The following SYN1 variants were observed in gnomAD, a reference collection of about 807,000 sequenced individuals.
SYN1 encodes the protein synapsin-1.
SYN1 carries 8 observed loss-of-function variants against 44.6 expected under a neutral mutation model. The ratio of observed to expected loss-of-function variants is 0.18; its 90% CI spans 0.11 to 0.32. The LOEUF (loss-of-function observed/expected upper bound fraction) is 0.32. Among genes scored for constraint, SYN1 ranks in the 10% least tolerant of loss-of-function variants. SYN1 has a pLI of 1.00. For synonymous variants in SYN1, 275 were observed against 280.1 expected (o/e 0.98, Z 0.18); for missense variants, 451 against 639.4 (o/e 0.71, Z 3.18).
chrX:47,574,253 G>A lies in SYN1; in HGVS notation c.1731C>T (p.Ala577=), dbSNP rs2147912133. ...GCTGCCCGCCCGGTGGGGCCCCAGA[G>A]GCCTTTGGCGGAGCCGGGCCAGAGA... ...TSVSGPAPPK[A]SGAPPGGQQR... The change falls in exon 12 of 13, where the codon GCC becomes GCT. Residue 577 remains alanine, a synonymous_variant. Coordinates refer to ENST00000295987, the MANE Select transcript of SYN1 (RefSeq NM_006950.3). The A allele has an allele frequency of 9.1e-7, 1 of 1,103,968 alleles. No homozygotes were observed. Among genetic ancestry groups the A allele is most frequent in the Non-Finnish European group, 1.2e-6 (1 of 848,736 alleles). 91.0% of individuals were successfully genotyped at this position (1,103,968 alleles called of 1,213,427 possible). A position where few individuals can be genotyped will look rare whatever the true frequency, so the allele number is the denominator to read the frequency against.
chrX:47,604,823 T>A lies in SYN1; in HGVS notation c.774+155A>T, dbSNP rs772067876. On this transcript the variant is annotated intron_variant, in intron 5 of 12. Coordinates refer to ENST00000295987, the MANE Select transcript of SYN1 (RefSeq NM_006950.3). Reference sequence around the variant, plus strand: ...GTTTTCCTTGTAAGCATAAGGAAATTCACGGTAGACCCTATCACAAAGCAA... The same window carrying A: ...GTTTTCCTTGTAAGCATAAGGAAATACACGGTAGACCCTATCACAAAGCAA... 2.5e-4 allele frequency: 131 copies of A among 517,833 alleles called. No individual in the cohort carries two copies. In the African/African-American group the frequency reaches 2.7e-3, roughly 11 times the overall value. 42.7% of individuals were successfully genotyped at this position (517,833 alleles called of 1,213,427 possible). A position where few individuals can be genotyped will look rare whatever the true frequency, so the allele number is the denominator to read the frequency against.
intron 5 of SYN1, among the ~76,000 whole-genome samples, chrX:47,591,165 G>A (rs12010140): frequency 0.044 from 4,898 of 112,416 alleles, 264 homozygotes; most frequent in African/African-American, 0.15. Context: ...GATTACAGGC[G>A]TGGGCCATCA....
Position 47,619,368 on chromosome X carries a change from C to T in SYN1, c.361G>A (p.Glu121Lys), listed in dbSNP as rs1183386473. 1 of 1,198,292 alleles carries T rather than the reference C, an allele frequency of 8.3e-7. No homozygotes were observed. Among genetic ancestry groups the T allele is most frequent in the African/African-American group, 1.7e-5 (1 of 57,775 alleles). The change falls in exon 1 of 13, where the codon GAG becomes AAG. Residue 121 changes from glutamate (E) to lysine (K), a missense_variant. Coordinates refer to ENST00000295987, the MANE Select transcript of SYN1 (RefSeq NM_006950.3). ...GTGGCTTACCAGTCGGTGTGCGGCTCGTCGATGACCAGCAGCACCCTGGAG... is the reference window on the plus strand; with the variant it reads ...GTGGCTTACCAGTCGGTGTGCGGCTTGTCGATGACCAGCAGCACCCTGGAG... ...AASRVLLVID[E>K]PHTDWAKYFK... is the part of the protein sequence containing the mutation.
At chrX:47,578,080 C>T (rs1387678206) in intron 5 of SYN1, among the ~76,000 whole-genome samples, 1 of 111,098 alleles carries the variant, frequency 9.0e-6, no homozygotes, top group African/African-American at 3.3e-5. Context: ...GCAGCACAGA[C>T]ACCCACACAG....
intron 5 of SYN1, chrX:47,585,828 A>T: frequency 8.7e-7 from 1 of 1,150,459 alleles, no homozygotes. Context: ...CCCAAGCCCG[A>T]GACTGCTCCC....
At chrX:47,619,123 C>A (rs977092965) in intron 1 of SYN1, among the ~76,000 whole-genome samples, 2 of 110,475 alleles carry the variant, frequency 1.8e-5, no homozygotes, top group African/African-American at 3.3e-5. Flanking sequence ...GGAACAGGTA[C>A]GCAGCAGGTG....
Position 47,575,146 on chromosome X carries a change from G to T in SYN1, c.1287C>A (p.Gly429=). 1 of 1,189,742 alleles carries T rather than the reference G, an allele frequency of 8.4e-7. No individual in the cohort carries two copies. The highest frequency in any genetic ancestry group is 1.1e-6 in the Non-Finnish European group (1 of 884,257). Residue 429 remains glycine (G), a synonymous_variant, in exon 10 of 13, where the codon GGC becomes GGA. Transcript: ENST00000295987. The part of the protein sequence containing the change: ...PRQRQRDASP[G]RGSHGQTPSP... ...GCCTGACCTGGCCATGGGAGCCCCT[G>T]CCAGGGGAGGCATCCCGCTGTCGCT...
chrX:47,601,079 A>C (rs1350177239), intron 5 of SYN1, among the ~76,000 whole-genome samples: 3 of 112,125 alleles, frequency 2.7e-5, no homozygotes, highest in Non-Finnish European at 5.6e-5. Context: ...ATAGAGAACT[A>C]ATAAAACAAA....
intron 5 of SYN1, among the ~76,000 whole-genome samples, chrX:47,599,340 G>A (rs749892820): frequency 8.9e-6 from 1 of 112,414 alleles, no homozygotes; most frequent in South Asian, 3.6e-4. Flanking sequence ...TGAGGCTGAA[G>A]CAAAGCTAAC....
chrX:47,587,201 T>C (rs2057830716), intron 5 of SYN1, among the ~76,000 whole-genome samples: 2 of 112,696 alleles, frequency 1.8e-5, no homozygotes, highest in African/African-American at 6.4e-5. Flanking sequence ...ATGACTATCA[T>C]TGCCTCAAGC....
In SYN1 at chrX:47,574,166, C is replaced by T. The variant is rs967215240; in HGVS notation, c.1818G>A (p.Gln606=). 9.5e-6 allele frequency: 10 copies of T among 1,050,651 alleles called. No homozygotes were observed. In the Admixed American group the frequency reaches 4.5e-4, roughly 47 times the overall value. 86.6% of individuals were successfully genotyped at this position (1,050,651 alleles called of 1,213,427 possible). The change falls in exon 12 of 13, where the codon CAG becomes CAA. Residue 606 remains glutamine (Q), a synonymous_variant. Transcript: ENST00000295987. ...GPAGPTRQAS[Q]AGPVPRTGPP... is the part of the protein sequence containing the mutation. ...GCCCAGTGCGGGGCACGGGACCCGC[C>T]TGGCTGGCCTGGCGTGTGGGGCCGG...
At chrX:47,579,696 A>G (rs1437918119) in intron 5 of SYN1, among the ~76,000 whole-genome samples, 1 of 111,927 alleles carries the variant, frequency 8.9e-6, no homozygotes, top group East Asian at 2.8e-4. Flanking sequence ...AACCAGAGTC[A>G]GCGAGGGGCC....
intron 5 of SYN1, among the ~76,000 whole-genome samples, chrX:47,589,294 C>CAAA (rs147024653): frequency 3.3e-5 from 2 of 59,932 alleles, no homozygotes; most frequent in African/African-American, 6.5e-5. Context: ...AAGACTGTCT[C>CAAA]AAAAAAAAAA....
At chrX:47,593,888 AT>A (rs1349935179) in intron 5 of SYN1, among the ~76,000 whole-genome samples, 3 of 111,768 alleles carry the variant, frequency 2.7e-5, no homozygotes, top group Non-Finnish European at 5.6e-5. Flanking sequence ...CCTTTTTTAT[AT>A]TTTGACTTTT....
At chrX:47,599,800 T>G (rs917180732) in intron 5 of SYN1, among the ~76,000 whole-genome samples, 3 of 112,051 alleles carry the variant, frequency 2.7e-5, no homozygotes, top group African/African-American at 9.7e-5. Flanking sequence ...ATAGGCACAG[T>G]GGATGAAAAA....
rs768166748 is a variant in SYN1, at chrX:47,577,420, A to G, written c.837+19T>C. ...CACAAATACACATCTACCTATGCACAGCCCAGCCAGAGACTCACCTTGCCC... is the reference window on the plus strand; with the variant it reads ...CACAAATACACATCTACCTATGCACGGCCCAGCCAGAGACTCACCTTGCCC... On this transcript the variant is annotated intron_variant, in intron 6 of 12. Transcript: ENST00000295987. 5.0e-6 allele frequency: 6 copies of G among 1,201,549 alleles called. No homozygotes were observed. In the African/African-American group the frequency reaches 1.1e-4, roughly 21 times the overall value.
chrX:47,607,402 A>C (rs983725245), intron 1 of SYN1, among the ~76,000 whole-genome samples: 2 of 112,306 alleles, frequency 1.8e-5, no homozygotes, highest in African/African-American at 6.5e-5. Context: ...ATATTAAAGG[A>C]CATTGCAAAC....
chrX:47,575,500 C>T (rs2057774837), intron 9 of SYN1, among the ~76,000 whole-genome samples: 1 of 112,228 alleles, frequency 8.9e-6, no homozygotes, highest in African/African-American at 3.2e-5. Flanking sequence ...CCAACCTGGC[C>T]GACCACCTGG....
At position 47,605,270 on chromosome X, in the gene SYN1, C is replaced by T; in HGVS notation, c.637G>A (p.Val213Ile). 1 of 1,209,519 alleles carries T rather than the reference C, an allele frequency of 8.3e-7. No individual in the cohort carries two copies. Among genetic ancestry groups the T allele is most frequent in the Non-Finnish European group, 1.1e-6 (1 of 894,435 alleles). The change falls in exon 4 of 13, where the codon GTT becomes ATT. Residue 213 changes from valine to isoleucine, a missense_variant. Physicochemically the swap from Val to Ile is conservative, Grantham distance 29 (BLOSUM62 3). Coordinates refer to ENST00000295987, the MANE Select transcript of SYN1 (RefSeq NM_006950.3). Reference protein sequence around the residue: ...IGLQYAGIPSVNSLHSVYNFC... With the variant: ...IGLQYAGIPSINSLHSVYNFC... ...TTGTAGACAGAATGCAAGGAGTTAACACTGGGGATTCCAGCATACTGCAGC... is the reference window on the plus strand; with the variant it reads ...TTGTAGACAGAATGCAAGGAGTTAATACTGGGGATTCCAGCATACTGCAGC...
Sources: gnomAD v4.1 joint callset for allele counts (sites outside exome capture counted in the v4.1 genomes callset) on GRCh38, gnomAD v4.1.1 for gene constraint, MANE v1.5 for transcripts, NCBI Gene and HGNC (gene_info 2026-07-23, HGNC 2026-07-21) for gene names.